The following AUH variants were observed in gnomAD, a reference collection of about 807,000 sequenced individuals.
AUH encodes the protein methylglutaconyl-CoA hydratase, mitochondrial.
Under a neutral mutation model 42.3 loss-of-function variants are expected in AUH, and 29 were observed. The ratio of observed to expected loss-of-function variants is 0.69; its 90% CI spans 0.51 to 0.93. The LOEUF is 0.93. Among genes scored for constraint, AUH ranks in the 40% least tolerant of loss-of-function variants. The pLI is 0.00. For missense variants in AUH, 452 were observed against 438.1 expected (o/e 1.03, Z -0.28); for synonymous variants, 174 against 166.4 (o/e 1.05, Z -0.35).
At chr9:91,282,335 AT>A (rs111581720) in intron 6 of AUH, among the ~76,000 whole-genome samples, 11 of 146,490 alleles carry the variant, frequency 7.5e-5, no homozygotes, top group South Asian at 6.5e-4. Flanking sequence ...CCCTTCCCCT[AT>A]TTTTTTTTTC....
intron 6 of AUH, among the ~76,000 whole-genome samples, chr9:91,225,235 T>C (rs1827371117): frequency 6.6e-6 from 1 of 152,224 alleles, no homozygotes; most frequent in Admixed American, 6.5e-5. Context: ...CACTGTAGCA[T>C]CCACCTCCTA....
intron 3 of AUH, among the ~76,000 whole-genome samples, chr9:91,349,737 A>G (rs1213933237): frequency 6.6e-6 from 1 of 152,102 alleles, no homozygotes; most frequent in East Asian, 1.9e-4. Flanking sequence ...AGAGAGAGAG[A>G]AGGTAAACTA....
intron 6 of AUH, among the ~76,000 whole-genome samples, chr9:91,261,325 G>A (rs1829697044): frequency 6.6e-6 from 1 of 152,170 alleles, no homozygotes; most frequent in Non-Finnish European, 1.5e-5. Context: ...GACAGGCCTA[G>A]AGAATTCTTT....
chr9:91,249,529 C>G (rs1205762251), intron 6 of AUH, among the ~76,000 whole-genome samples: 1 of 151,726 alleles, frequency 6.6e-6, no homozygotes, highest in African/African-American at 2.4e-5. Flanking sequence ...TTTTTGGTAA[C>G]ACCGACATAA....
At chr9:91,284,356 A>G (rs1384687187) in intron 6 of AUH, among the ~76,000 whole-genome samples, 3 of 152,242 alleles carry the variant, frequency 2.0e-5, no homozygotes, top group Non-Finnish European at 1.5e-5. Context: ...AAACCATAAA[A>G]ACCCTAGAAG....
intron 4 of AUH, 26 bp downstream of exon 4, chr9:91,325,292 T>C: frequency 6.3e-7 from 1 of 1,593,420 alleles, no homozygotes; most frequent in Non-Finnish European, 8.6e-7. Context: ...TTCGGCATGC[T>C]GAAAGAAGAA....
chr9:91,359,350 G>A (rs902806823), intron 1 of AUH, among the ~76,000 whole-genome samples: 5 of 152,080 alleles, frequency 3.3e-5, no homozygotes, highest in Admixed American at 2.0e-4. Context: ...AATGTTCAAC[G>A]TATCTACATA....
At chr9:91,235,051 AG>A (rs1205328957) in intron 6 of AUH, among the ~76,000 whole-genome samples, 1 of 151,960 alleles carries the variant, frequency 6.6e-6, no homozygotes, top group African/African-American at 2.4e-5. Flanking sequence ...GGATGTGAGG[AG>A]GAGCAGGACA....
chr9:91,232,288 A>C (rs375682065), intron 6 of AUH, among the ~76,000 whole-genome samples: 1 of 152,158 alleles, frequency 6.6e-6, no homozygotes, highest in African/African-American at 2.4e-5. Context: ...CAGGAGGATT[A>C]TTTGAGCCTA....
At chr9:91,315,312 A>C (rs968519248) in intron 4 of AUH, among the ~76,000 whole-genome samples, 5 of 152,192 alleles carry the variant, frequency 3.3e-5, no homozygotes, top group Non-Finnish European at 7.3e-5. Context: ...CATTTGTTAC[A>C]CATGGGTCCC....
In AUH at chr9:91,297,899, G is replaced by A. The variant is rs180949205; in HGVS notation, c.598+85C>T. On this transcript the variant is annotated intron_variant, in intron 5 of 9. Transcript: ENST00000375731. The stretch of plus-strand genomic sequence containing the variant: ...AAAATATTCTACTCAACAACAGGAA[G>A]CAGAATAAAATATTTAAAATTACCT... 1.9e-4 allele frequency: 208 copies of A among 1,101,938 alleles called. No homozygotes were observed. The African/African-American group carries it at 2.8e-3, about 15-fold the overall frequency. The allele number at this position is 1,101,938 out of a possible 1,614,324, so 68.3% of individuals were successfully genotyped here. A position where few individuals can be genotyped will look rare whatever the true frequency, so the allele number is the denominator to read the frequency against.
intron 4 of AUH, among the ~76,000 whole-genome samples, chr9:91,303,331 C>T (rs1001090348): frequency 7.2e-5 from 11 of 151,964 alleles, no homozygotes; most frequent in African/African-American, 2.7e-4. Flanking sequence ...GTGTCAGACG[C>T]ATGATTTTTT....
intron 6 of AUH, among the ~76,000 whole-genome samples, chr9:91,293,180 A>T (rs1827050283): frequency 6.6e-6 from 1 of 152,178 alleles, no homozygotes; most frequent in Non-Finnish European, 1.5e-5. Flanking sequence ...TATTGAAATT[A>T]GGCCAATGAA....
intron 6 of AUH, among the ~76,000 whole-genome samples, chr9:91,273,446 A>G (rs1296515563): frequency 6.6e-6 from 1 of 152,218 alleles, no homozygotes; most frequent in Non-Finnish European, 1.5e-5. Flanking sequence ...GGATTCCACT[A>G]TAACTGACTA....
At chr9:91,355,672 T>G (rs1832353861) in intron 3 of AUH, among the ~76,000 whole-genome samples, 1 of 152,230 alleles carries the variant, frequency 6.6e-6, no homozygotes, top group South Asian at 2.1e-4. Context: ...AAGATTTTTT[T>G]TCAACTTCCA....
chr9:91,275,701 G>A, intron 6 of AUH, among the ~76,000 whole-genome samples: 1 of 152,154 alleles, frequency 6.6e-6, no homozygotes, highest in South Asian at 2.1e-4. Context: ...TCACCCAAAA[G>A]GATGACTATG....
chr9:91,292,642 C>A (rs949474067), intron 6 of AUH, among the ~76,000 whole-genome samples: 3 of 151,994 alleles, frequency 2.0e-5, no homozygotes, highest in Non-Finnish European at 4.4e-5. Context: ...AGGACACACA[C>A]ATTTAAATGC....
chr9:91,225,908 C>A (rs1587634518), intron 6 of AUH, among the ~76,000 whole-genome samples: 2 of 151,262 alleles, frequency 1.3e-5, no homozygotes, highest in African/African-American at 4.9e-5. Context: ...GCATAGTATT[C>A]CATGGTGTAT....
intron 3 of AUH, among the ~76,000 whole-genome samples, chr9:91,332,621 T>C (rs1022971581): frequency 7.2e-5 from 11 of 152,146 alleles, no homozygotes; most frequent in Admixed American, 7.2e-4. Flanking sequence ...GCTTGTGCCA[T>C]ACTGACAGGC....
Sources: allele counts gnomAD v4.1 joint callset (sites outside exome capture counted in the v4.1 genomes callset), GRCh38; gene constraint gnomAD v4.1.1; transcripts MANE v1.5; gene names NCBI Gene and HGNC (gene_info 2026-07-23, HGNC 2026-07-21).